PRKDC: variants seen among roughly 807,000 people sequenced by gnomAD.
The protein encoded by PRKDC is protein kinase, DNA-activated, catalytic subunit.
Under a neutral mutation model 486.9 loss-of-function variants are expected in PRKDC, and 82 were observed. The ratio of observed to expected loss-of-function variants is 0.17; its 90% CI spans 0.14 to 0.20. The LOEUF (loss-of-function observed/expected upper bound fraction) is 0.20, where lower values mean the gene tolerates loss of function less well. Ranked by LOEUF, PRKDC falls within the 10% of genes least tolerant of loss-of-function variation. PRKDC has a pLI of 1.00. For missense variants in PRKDC, 4,504 were observed against 5,038.2 expected, an observed-to-expected ratio of 0.89 and a Z score of 3.21; for synonymous variants, 1,895 against 1,837.0, an observed-to-expected ratio of 1.03 and a Z score of -0.81.
intron 73 of PRKDC, among the ~76,000 whole-genome samples, chr8:47,796,799 G>A (rs1295485538): frequency 2.0e-5 from 3 of 151,882 alleles, no homozygotes; most frequent in African/African-American, 4.8e-5. Flanking sequence ...TCACCGTGTT[G>A]GCCAGGCTGG....
chr8:47,796,240 T>C (rs1412222179), intron 73 of PRKDC, among the ~76,000 whole-genome samples: 1 of 151,992 alleles, frequency 6.6e-6, no homozygotes, highest in Non-Finnish European at 1.5e-5. Context: ...CTTTCTAAAG[T>C]CTTTACCAAC....
At chr8:47,837,489 T>C in intron 56 of PRKDC, 70 bp from the exon 57 acceptor site, 1 of 1,257,478 alleles carries the variant, frequency 8.0e-7, no homozygotes, top group Non-Finnish European at 1.1e-6. Context: ...CTGTACAGGG[T>C]GTCCTGTGGA....
chr8:47,831,766 G>A (rs776869065), intron 60 of PRKDC, 48 bp downstream of exon 60: 7 of 1,580,222 alleles, frequency 4.4e-6, no homozygotes, highest in Non-Finnish European at 5.2e-6. Flanking sequence ...TCTGTATCCT[G>A]TGACAGAAAC....
At chr8:47,806,597 T>C (rs997964217) in intron 69 of PRKDC, among the ~76,000 whole-genome samples, 5 of 152,206 alleles carry the variant, frequency 3.3e-5, no homozygotes, top group Non-Finnish European at 2.9e-5. Context: ...GTTTAAAGAT[T>C]ATATACATTT....
chr8:47,859,733 A>C lies in PRKDC; in HGVS notation c.6085T>G (p.Ser2029Ala). 6.2e-7 allele frequency: 1 copy of C among 1,612,896 alleles called. No individual in the cohort carries two copies. The highest frequency in any genetic ancestry group is 8.5e-7 in the Non-Finnish European group (1 of 1,178,894). ...SDGPSYMSSL[S>A]YLADSTLSEE... ...CTCAGGGTACTGTCTGCCAAATATG[A>C]CAGGGAAGACATATAGGAAGGACCA... Residue 2029 changes from serine to alanine, a missense_variant, in exon 46 of 86, where the codon TCA (serine) becomes GCA (alanine). Transcript: ENST00000314191.
At chr8:47,957,508 G>T in intron 1 of PRKDC, 77 bp from the exon 2 acceptor site, 1 of 1,210,996 alleles carries the variant, frequency 8.3e-7, no homozygotes, top group Non-Finnish European at 1.2e-6. Context: ...GGGTTGCAAT[G>T]ATTTTCTTAT....
intron 7 of PRKDC, among the ~76,000 whole-genome samples, chr8:47,951,390 C>G (rs1453788985): frequency 1.3e-5 from 2 of 150,018 alleles, no homozygotes; most frequent in East Asian, 4.0e-4. Flanking sequence ...AAAAGGGAGA[C>G]AGAAAATATT....
At chr8:47,832,440 A>C (rs2087907567) in intron 59 of PRKDC, among the ~76,000 whole-genome samples, 1 of 152,274 alleles carries the variant, frequency 6.6e-6, no homozygotes, top group Non-Finnish European at 1.5e-5. Flanking sequence ...AAAGTAAGCA[A>C]CAAGGAAAGA....
At chr8:47,832,032 C>T in intron 59 of PRKDC, 106 bp from the exon 60 acceptor site, 1 of 982,648 alleles carries the variant, frequency 1.0e-6, no homozygotes, top group South Asian at 1.5e-5. Context: ...ACAGGTGCCG[C>T]AGAGGCAGCG....
chr8:47,804,909 G>A (rs1427369217), intron 69 of PRKDC, among the ~76,000 whole-genome samples: 2 of 152,072 alleles, frequency 1.3e-5, no homozygotes, highest in African/African-American at 4.8e-5. Context: ...TTACAGGCAT[G>A]TGCCACCACA....
chr8:47,849,450 C>G lies in PRKDC; in HGVS notation c.7059G>C (p.Gln2353His), dbSNP rs1169802828. The change falls in exon 53 of 86, where the codon CAG becomes CAC. Residue 2353 changes from glutamine (Q) to histidine (H), a missense_variant. By Grantham distance (24) the Gln-to-His change is conservative (BLOSUM62 0). This residue lies in a region of PRKDC where 1,592 missense variants were observed against 1,724.6 expected (regional missense o/e 0.92). Coordinates refer to ENST00000314191, the MANE Select transcript of PRKDC (RefSeq NM_006904.7). ...ELVAKQLKQH[Q>H]NTMEDKFIVC... is the part of the protein sequence containing the mutation. ...CAATAAACTTGTCCTCCATAGTATT[C>G]TGATGTTGCTTCAATTGTTTCGCAA... 1.9e-6 allele frequency: 3 copies of G among 1,614,002 alleles called. No individual in the cohort carries two copies.
chr8:47,916,562 T>C (rs987394067), intron 22 of PRKDC, among the ~76,000 whole-genome samples: 1 of 152,234 alleles, frequency 6.6e-6, no homozygotes, highest in Admixed American at 6.5e-5. Flanking sequence ...TTCAGAAGTT[T>C]TCCTCAAAGT....
At chr8:47,799,425 A>G (rs764386680) in intron 71 of PRKDC, 35 bp from the exon 72 acceptor site, 160 of 1,440,396 alleles carry the variant, frequency 1.1e-4, no homozygotes, top group Non-Finnish European at 1.2e-4. Flanking sequence ...CATGAGCATG[A>G]CTGAAGCTTT....
intron 80 of PRKDC, 37 bp from the exon 81 acceptor site, chr8:47,779,130 AT>A: frequency 6.9e-7 from 1 of 1,440,572 alleles, no homozygotes; most frequent in Non-Finnish European, 9.5e-7. Flanking sequence ...AATTAGGAAG[AT>A]TTTAGCATTA....
intron 11 of PRKDC, among the ~76,000 whole-genome samples, chr8:47,937,063 G>GACC (rs915413802): frequency 4.2e-4 from 62 of 146,062 alleles, no homozygotes; most frequent in Non-Finnish European, 7.3e-4. Flanking sequence ...AGACCAGCCT[G>GACC]ACCACCATGG....
chr8:47,775,364 ATTT>A lies in PRKDC; in HGVS notation c.12183-990_12183-988del, dbSNP rs761373021. The stretch of plus-strand genomic sequence containing the variant: ...AAATGTCAGTTCAAGTCTTTTGACC[ATTT>A]TTTTTTTTTTTTTTTTTTTTTTGAG... On this transcript the variant is annotated intron_variant, in intron 85 of 85. Transcript: ENST00000314191. Among the ~76,000 whole-genome samples, 411 of 87,478 alleles carry A rather than the reference ATTT, an allele frequency of 4.7e-3. 2 individuals are homozygous for A. The highest frequency in any genetic ancestry group is 0.022 in the Middle Eastern group (2 of 92). The allele number at this position is 87,478 out of a possible 152,430, so 57.4% of individuals were successfully genotyped here. A position where few individuals can be genotyped will look rare whatever the true frequency, so the allele number is the denominator to read the frequency against.
chr8:47,783,854 C>T (rs1216849676), intron 77 of PRKDC, 45 bp from the exon 78 acceptor site: 1 of 1,575,128 alleles, frequency 6.3e-7, no homozygotes, highest in Non-Finnish European at 8.7e-7. Context: ...TGTTAGACAA[C>T]CGCCTGTATT....
intron 49 of PRKDC, among the ~76,000 whole-genome samples, chr8:47,855,698 G>A (rs1318984191): frequency 1.3e-5 from 2 of 152,356 alleles, no homozygotes; most frequent in East Asian, 1.9e-4. Flanking sequence ...CGCCTGCAGG[G>A]CAGGGGAGCA....
At position 47,785,231 on chromosome 8, in the gene PRKDC, G is replaced by T. The variant is rs772164085; in HGVS notation, c.10989C>A (p.Thr3663=). The change falls in exon 77 of 86, where the codon ACC becomes ACA. Residue 3663 remains threonine (T), a synonymous_variant. Coordinates refer to ENST00000314191, the MANE Select transcript of PRKDC (RefSeq NM_006904.7). Reference sequence around the variant, plus strand: ...TGTTCATTTTTAAAAGTAGCATGTTGGTAATGTCGTTGAAGTCACTGAGCT... The same window carrying T: ...TGTTCATTTTTAAAAGTAGCATGTTTGTAATGTCGTTGAAGTCACTGAGCT... ...RMKLSDFNDI[T]NMLLLKMNKD... The T allele has an allele frequency of 1.2e-6, 2 of 1,613,738 alleles. No individual in the cohort carries two copies. Among genetic ancestry groups the T allele is most frequent in the Non-Finnish European group, 1.7e-6 (2 of 1,179,766 alleles).
Sources: allele counts gnomAD v4.1 joint callset (sites outside exome capture counted in the v4.1 genomes callset), GRCh38; gene constraint gnomAD v4.1.1; regional missense constraint gnomAD v4.1.1; transcripts MANE v1.5; gene names NCBI Gene and HGNC (gene_info 2026-07-23, HGNC 2026-07-21).